The following ZC2HC1B variants were observed in gnomAD, a reference collection of about 807,000 sequenced individuals.
ZC2HC1B encodes zinc finger C2HC-type containing 1B, also known as zinc finger C2HC domain-containing protein 1B.
A neutral mutation model predicts 31.0 loss-of-function variants in ZC2HC1B; 36 were observed. The observed-to-expected ratio is 1.16, with a 90% CI of 0.89 to 1.54. ZC2HC1B has a LOEUF of 1.54. Ranked by LOEUF, ZC2HC1B falls within the 40% of genes most tolerant of loss-of-function variation. The probability of loss-of-function intolerance (pLI) is 0.00; values close to 1 mark genes in which losing one functional copy is unlikely to be tolerated. For missense variants in ZC2HC1B, 260 were observed against 268.6 expected, an observed-to-expected ratio of 0.97 and a Z score of 0.22; for synonymous variants, 73 against 88.0, an observed-to-expected ratio of 0.83 and a Z score of 0.95.
intron 6 of ZC2HC1B, among the ~76,000 whole-genome samples, chr6:143,906,964 T>G (rs1288779691): frequency 2.0e-5 from 3 of 152,120 alleles, no homozygotes; most frequent in African/African-American, 7.2e-5. Flanking sequence ...CCATTGTGTG[T>G]TGTTCTCCAC....
At chr6:143,907,199 G>A (rs1031410031) in intron 6 of ZC2HC1B, among the ~76,000 whole-genome samples, 5 of 152,172 alleles carry the variant, frequency 3.3e-5, no homozygotes, top group Admixed American at 3.3e-4. Context: ...CATTTAGGTT[G>A]ATTCCATGTC....
rs147616272 is a variant in ZC2HC1B, at chr6:143,925,300, C to T, written c.599-12349C>T. Among the ~76,000 whole-genome samples, 620 of 150,922 alleles carry T rather than the reference C, an allele frequency of 4.1e-3. 4 individuals carry two copies. The highest frequency in any genetic ancestry group is 0.014 in the African/African-American group (561 of 41,108). ...ACGCCATTCTCCTGCGTCAGCCTCCCGAGCAGCTGGGAGTATAGGCACCCG... is the reference window on the plus strand; with the variant it reads ...ACGCCATTCTCCTGCGTCAGCCTCCTGAGCAGCTGGGAGTATAGGCACCCG... On this transcript the variant is annotated intron_variant, in intron 6 of 7. Coordinates refer to ENST00000237275, the MANE Select transcript of ZC2HC1B (RefSeq NM_001013623.3).
At position 143,903,767 on chromosome 6, in the gene ZC2HC1B, C is replaced by G. The variant is rs886447900; in HGVS notation, c.598+615C>G. Among the ~76,000 whole-genome samples the G allele has an allele frequency of 2.6e-5, 4 of 152,188 alleles. No individual in the cohort carries two copies. The highest frequency in any genetic ancestry group is 9.7e-5 in the African/African-American group (4 of 41,440). ...GCGTAGAATTTGTATATAACCTAGG[C>G]ACATCCTCCTGTATACACTAAATCA... On this transcript the variant is annotated intron_variant, in intron 6 of 7. Coordinates refer to ENST00000237275, the MANE Select transcript of ZC2HC1B (RefSeq NM_001013623.3). This position sits in a 1 kb window ranked among gnomAD's most constrained non-coding sequence, Gnocchi z 4.3.
Position 143,929,461 on chromosome 6 carries a change from T to C in ZC2HC1B, c.599-8188T>C, listed in dbSNP as rs144697049. Among the ~76,000 whole-genome samples, 832 of 152,328 alleles carry C rather than the reference T, an allele frequency of 5.5e-3. 6 individuals carry two copies. The highest frequency in any genetic ancestry group is 7.4e-3 in the Non-Finnish European group (502 of 68,016). On this transcript the variant is annotated intron_variant, in intron 6 of 7. Coordinates refer to ENST00000237275, the MANE Select transcript of ZC2HC1B (RefSeq NM_001013623.3). ...ATCATATTGTATTATCTTTTTGATG[T>C]GCTGTATGATTTTGTTTGCTTGTAT...
In ZC2HC1B at chr6:143,934,326, C is replaced by T. The variant is rs1582981051; in HGVS notation, c.599-3323C>T. Among the ~76,000 whole-genome samples the T allele has an allele frequency of 6.6e-6, 1 of 152,362 alleles. No individual in the cohort carries two copies. The highest frequency in any genetic ancestry group is 3.4e-3 in the Middle Eastern group (1 of 294). On this transcript the variant is annotated intron_variant, in intron 6 of 7. Transcript: ENST00000237275. This position sits in a 1 kb window ranked among gnomAD's most constrained non-coding sequence, Gnocchi z 4.6. ...CAAACGACCACAGAGTGAGTGTCCA[C>T]ACGCTGTTCTGTCCATCCAAGTGGG...
In ZC2HC1B at chr6:143,921,479, G is replaced by A. The variant is rs567190506; in HGVS notation, c.599-16170G>A. Among the ~76,000 whole-genome samples, 1 of 152,190 alleles carries A rather than the reference G, an allele frequency of 6.6e-6. No individual in the cohort carries two copies. The highest frequency in any genetic ancestry group is 1.5e-5 in the Non-Finnish European group (1 of 68,030). ...ATACTTGTTGAATGAAATGTATGAG[G>A]AGAAGTGGAAATCTTGATTCTATCA... is the stretch of plus-strand genomic sequence containing the variant. On this transcript the variant is annotated intron_variant, in intron 6 of 7. Transcript: ENST00000237275. This position sits in a 1 kb window ranked among gnomAD's most constrained non-coding sequence, Gnocchi z 6.1.
At chr6:143,935,554 A>C (rs1413799675) in intron 6 of ZC2HC1B, among the ~76,000 whole-genome samples, 1 of 151,338 alleles carries the variant, frequency 6.6e-6, no homozygotes, top group Non-Finnish European at 1.5e-5. Context: ...ATAAAAATAA[A>C]GGTCTTTAAA....
chr6:143,897,700 G>GA (rs557795693), intron 4 of ZC2HC1B, among the ~76,000 whole-genome samples: 1 of 148,418 alleles, frequency 6.7e-6, no homozygotes. Flanking sequence ...GTAGTTAAGT[G>GA]AAAAAAAAAA....
intron 6 of ZC2HC1B, among the ~76,000 whole-genome samples, chr6:143,929,691 T>G (rs1778095228): frequency 6.6e-6 from 1 of 152,100 alleles, no homozygotes. Context: ...TGAATCTGTC[T>G]GCTCCTGGGC....
chr6:143,924,008 T>A lies in ZC2HC1B; in HGVS notation c.599-13641T>A, dbSNP rs530718891. On this transcript the variant is annotated intron_variant, in intron 6 of 7. Transcript: ENST00000237275. This position sits in a 1 kb window ranked among gnomAD's most constrained non-coding sequence, Gnocchi z 5.2. The stretch of plus-strand genomic sequence containing the variant: ...AATGTCATTGGTGTTTTGATAGGGA[T>A]TACATTGAATCTGTAGATTGCTTTG... Among the ~76,000 whole-genome samples, 1 of 152,210 alleles carries A rather than the reference T, an allele frequency of 6.6e-6. No homozygotes were observed. The highest frequency in any genetic ancestry group is 1.9e-4 in the East Asian group (1 of 5,188).
intron 4 of ZC2HC1B, among the ~76,000 whole-genome samples, chr6:143,894,144 T>C (rs2128494573): frequency 6.6e-6 from 1 of 151,968 alleles, no homozygotes; most frequent in African/African-American, 2.4e-5. Flanking sequence ...CAACTGAAAA[T>C]GTCTATCAAC....
At chr6:143,920,762 G>T (rs145265037) in intron 6 of ZC2HC1B, among the ~76,000 whole-genome samples, 1,947 of 152,088 alleles carry the variant, frequency 0.013, 54 homozygotes, top group African/African-American at 0.045. Flanking sequence ...ACAAAAATTA[G>T]CCAGGTGTGG....
In ZC2HC1B at chr6:143,924,178, A is replaced by T. The variant is rs181852628; in HGVS notation, c.599-13471A>T. Among the ~76,000 whole-genome samples, 14 of 151,926 alleles carry T rather than the reference A, an allele frequency of 9.2e-5. No homozygotes were observed. In the East Asian group the frequency reaches 2.1e-3, roughly 23 times the overall value. On this transcript the variant is annotated intron_variant, in intron 6 of 7. Transcript: ENST00000237275. This position sits in a 1 kb window ranked among gnomAD's most constrained non-coding sequence, Gnocchi z 5.2. ...GTCTTTCACTTTCTTGGTTTAATTT[A>T]TTCCTAAGTATTTTATTTTTTGTAG...
chr6:143,924,202 A>G lies in ZC2HC1B; in HGVS notation c.599-13447A>G, dbSNP rs1466975469. On this transcript the variant is annotated intron_variant, in intron 6 of 7. Coordinates refer to ENST00000237275, the MANE Select transcript of ZC2HC1B (RefSeq NM_001013623.3). The surrounding 1 kb of genome is among the most constrained non-coding windows in gnomAD (Gnocchi z 5.2). ...TATTCCTAAGTATTTTATTTTTTGT[A>G]GCTATTGTAAATGAGATTGTTTTCT... is the stretch of plus-strand genomic sequence containing the variant. Among the ~76,000 whole-genome samples, 2 of 151,798 alleles carry G rather than the reference A, an allele frequency of 1.3e-5. No individual in the cohort carries two copies. Among genetic ancestry groups the G allele is most frequent in the Non-Finnish European group, 2.9e-5 (2 of 67,898 alleles).
At chr6:143,909,410 A>G (rs1444206516) in intron 6 of ZC2HC1B, among the ~76,000 whole-genome samples, 1 of 152,124 alleles carries the variant, frequency 6.6e-6, no homozygotes, top group African/African-American at 2.4e-5. Flanking sequence ...AAAGAAAAAA[A>G]AATAAGTTAG....
At chr6:143,880,363 T>A (rs1250313024) in intron 1 of ZC2HC1B, among the ~76,000 whole-genome samples, 1 of 152,268 alleles carries the variant, frequency 6.6e-6, no homozygotes, top group Non-Finnish European at 1.5e-5. Context: ...GGCACTCATT[T>A]GTTCTGATTT....
chr6:143,887,786 A>G lies in ZC2HC1B; in HGVS notation c.349+965A>G, dbSNP rs1182302508. ...ATGAGATTAGCATAAATATTAATAT[A>G]AGATTATTAATATATCAATATTAAT... On this transcript the variant is annotated intron_variant, in intron 4 of 7. Transcript: ENST00000237275. The surrounding 1 kb of genome is among the most constrained non-coding windows in gnomAD (Gnocchi z 5.1). 6.6e-6 allele frequency among the ~76,000 whole-genome samples: 1 copy of G among 152,078 alleles called. No individual in the cohort carries two copies. Among genetic ancestry groups the G allele is most frequent in the African/African-American group, 2.4e-5 (1 of 41,442 alleles).
At chr6:143,912,596 T>C (rs917953653) in intron 6 of ZC2HC1B, among the ~76,000 whole-genome samples, 8 of 152,210 alleles carry the variant, frequency 5.3e-5, no homozygotes, top group South Asian at 2.1e-4. Flanking sequence ...GGCTGTGAAA[T>C]AGCAAAGATG....
In ZC2HC1B at chr6:143,886,679, A is replaced by G. The variant is rs762702431; in HGVS notation, c.211-4A>G. 1.8e-5 allele frequency: 28 copies of G among 1,522,910 alleles called. No individual in the cohort carries two copies. Among genetic ancestry groups the G allele is most frequent in the Non-Finnish European group, 2.2e-5 (25 of 1,136,184 alleles). The allele number at this position is 1,522,910 out of a possible 1,614,324, so 94.3% of individuals were successfully genotyped here. ...GTATTATTTGTTGGTTTTATTTTTT[A>G]CAGTCTCCACCTGTGAGGAAGTCTA... On this transcript the variant is annotated splice_polypyrimidine_tract_variant and splice_region_variant and intron_variant, in intron 3 of 7. Coordinates refer to ENST00000237275, the MANE Select transcript of ZC2HC1B (RefSeq NM_001013623.3). This position sits in a 1 kb window ranked among gnomAD's most constrained non-coding sequence, Gnocchi z 4.2.
Sources: gnomAD v4.1 joint callset for allele counts (sites outside exome capture counted in the v4.1 genomes callset) on GRCh38, gnomAD v4.1.1 for gene constraint, Gnocchi (gnomAD v3.1) non-coding constraint, MANE v1.5 for transcripts, NCBI Gene and HGNC (gene_info 2026-07-23, HGNC 2026-07-21) for gene names.